Variants in DNAJC3 observed in about 807,000 individuals in gnomAD.
DNAJC3 encodes DnaJ heat shock protein family (Hsp40) member C3, also known as dnaJ homolog subfamily C member 3.
In DNAJC3, 38 loss-of-function variants were observed where a neutral mutation model predicts 68.6. The observed-to-expected ratio is 0.55, with a 90% CI of 0.43 to 0.73. The LOEUF is 0.73. Ranked by LOEUF, DNAJC3 falls within the 30% of genes least tolerant of loss-of-function variation. The pLI, the probability that DNAJC3 is intolerant of heterozygous loss-of-function variation, is 0.00. For synonymous variants in DNAJC3, 203 were observed against 204.0 expected (o/e 1.00, Z 0.04); for missense variants, 526 against 591.9 (o/e 0.89, Z 1.16).
intron 4 of DNAJC3, among the ~76,000 whole-genome samples, chr13:95,734,365 G>A (rs534774300): frequency 6.6e-6 from 1 of 152,206 alleles, no homozygotes; most frequent in South Asian, 2.1e-4. Context: ...GGCCAGTAAG[G>A]TTTCTGCTGA....
intron 1 of DNAJC3, among the ~76,000 whole-genome samples, chr13:95,681,799 CTCCTT>C (rs1415942064): frequency 6.6e-6 from 1 of 152,216 alleles, no homozygotes; most frequent in Non-Finnish European, 1.5e-5. Context: ...AATTTAAACT[CTCCTT>C]TCCTCTCTCC....
chr13:95,793,801 CAGAG>C lies in DNAJC3; in HGVS notation c.*2774_*2777del. The C allele has an allele frequency of 6.6e-6, 1 of 152,274 alleles. No homozygotes were observed. The highest frequency in any genetic ancestry group is 3.4e-3 in the Middle Eastern group (1 of 296). 9.4% of individuals were successfully genotyped at this position (152,274 alleles called of 1,614,324 possible). A position where few individuals can be genotyped will look rare whatever the true frequency, so the allele number is the denominator to read the frequency against. On this transcript the variant is annotated 3_prime_UTR_variant, in exon 12 of 12. Transcript: ENST00000602402. Reference sequence around the variant, plus strand: ...ATGGCTCTTTCAGGAAAAGTGAAATCAGAGAGGCGTACCCTAGCCACAGCTGTTG... The same window carrying C: ...ATGGCTCTTTCAGGAAAAGTGAAATCAGGCGTACCCTAGCCACAGCTGTTG...
chr13:95,742,359 G>T (rs1033723158), intron 4 of DNAJC3, among the ~76,000 whole-genome samples: 1 of 152,186 alleles, frequency 6.6e-6, no homozygotes, highest in African/African-American at 2.4e-5. Context: ...TTCTTACAGA[G>T]GCACCATGTT....
intron 7 of DNAJC3, among the ~76,000 whole-genome samples, chr13:95,762,782 A>G (rs17882939): frequency 0.015 from 2,278 of 152,146 alleles, 61 homozygotes; most frequent in African/African-American, 0.052. Flanking sequence ...TGCCTGCCCC[A>G]CACAGGCCTC....
chr13:95,739,149 G>A (rs953822630), intron 4 of DNAJC3, among the ~76,000 whole-genome samples: 2 of 151,992 alleles, frequency 1.3e-5, no homozygotes, highest in African/African-American at 4.8e-5. Flanking sequence ...TTGAATATTG[G>A]CCCCCACTCT....
intron 9 of DNAJC3, among the ~76,000 whole-genome samples, chr13:95,769,381 A>G (rs1594018874): frequency 6.6e-6 from 1 of 152,166 alleles, no homozygotes; most frequent in East Asian, 1.9e-4. Flanking sequence ...GTGGAGGACA[A>G]GGGGTAGAGA....
chr13:95,686,203 C>T (rs1405942256), intron 1 of DNAJC3, among the ~76,000 whole-genome samples: 1 of 152,080 alleles, frequency 6.6e-6, no homozygotes, highest in Non-Finnish European at 1.5e-5. Flanking sequence ...CCTTGTGAGC[C>T]ACCCGCCTTG....
At chr13:95,742,007 C>T (rs1566494503) in intron 4 of DNAJC3, among the ~76,000 whole-genome samples, 1 of 152,078 alleles carries the variant, frequency 6.6e-6, no homozygotes, top group Non-Finnish European at 1.5e-5. Context: ...CAGTGAAGTG[C>T]TTGGGTGGAG....
intron 9 of DNAJC3, among the ~76,000 whole-genome samples, chr13:95,772,480 C>T (rs1566510652): frequency 6.6e-6 from 1 of 152,148 alleles, no homozygotes; most frequent in Non-Finnish European, 1.5e-5. Flanking sequence ...ATAATTTATA[C>T]AGCTACAATA....
intron 4 of DNAJC3, among the ~76,000 whole-genome samples, chr13:95,741,571 A>G (rs1882145693): frequency 6.6e-6 from 1 of 152,130 alleles, no homozygotes; most frequent in South Asian, 2.1e-4. Flanking sequence ...TGGTACGGGA[A>G]TGGCAGCAGT....
At chr13:95,685,835 T>G (rs185626236) in intron 1 of DNAJC3, among the ~76,000 whole-genome samples, 1 of 152,246 alleles carries the variant, frequency 6.6e-6, no homozygotes, top group Non-Finnish European at 1.5e-5. Context: ...CTCAGACTTG[T>G]GTAAGATGAT....
chr13:95,696,393 ATGAAACTAAGAT>A (rs1478583881), intron 1 of DNAJC3, among the ~76,000 whole-genome samples: 2 of 152,180 alleles, frequency 1.3e-5, no homozygotes, highest in East Asian at 1.9e-4. Flanking sequence ...CCTCAGGGCC[ATGAAACTAAGAT>A]TGAAACTAAG....
At chr13:95,728,670 T>A (rs1180559190) in intron 4 of DNAJC3, among the ~76,000 whole-genome samples, 1 of 152,242 alleles carries the variant, frequency 6.6e-6, no homozygotes, top group Non-Finnish European at 1.5e-5. Flanking sequence ...GTCTAATTTT[T>A]AAATTAATAC....
At chr13:95,762,758 C>T (rs1014876928) in intron 7 of DNAJC3, among the ~76,000 whole-genome samples, 2 of 152,200 alleles carry the variant, frequency 1.3e-5, no homozygotes, top group Admixed American at 1.3e-4. Flanking sequence ...TCCTGATGCT[C>T]TCCCTCCCCT....
intron 9 of DNAJC3, 28 bp downstream of exon 9, chr13:95,763,981 T>A: frequency 1.2e-6 from 2 of 1,606,256 alleles, no homozygotes; most frequent in East Asian, 4.5e-5. Flanking sequence ...TGATTTGCAG[T>A]ACCGAAGTGT....
intron 1 of DNAJC3, among the ~76,000 whole-genome samples, chr13:95,690,948 G>A (rs1288498019): frequency 4.4e-4 from 60 of 135,664 alleles, no homozygotes; most frequent in Non-Finnish European, 7.4e-4. Flanking sequence ...CCCGGACGGG[G>A]CGGCTGGCCG....
intron 4 of DNAJC3, among the ~76,000 whole-genome samples, chr13:95,728,598 T>C (rs544815895): frequency 2.0e-4 from 30 of 152,336 alleles, no homozygotes; most frequent in African/African-American, 6.5e-4. Flanking sequence ...TTACAAATAT[T>C]TTCCCCTCAG....
intron 4 of DNAJC3, among the ~76,000 whole-genome samples, chr13:95,744,382 A>G (rs1475584596): frequency 1.3e-5 from 2 of 152,242 alleles, no homozygotes; most frequent in Non-Finnish European, 2.9e-5. Flanking sequence ...TTTCAAAACT[A>G]CAAGTCATTT....
chr13:95,740,967 A>G (rs72636527), intron 4 of DNAJC3, among the ~76,000 whole-genome samples: 42 of 151,998 alleles, frequency 2.8e-4, no homozygotes, highest in Non-Finnish European at 4.1e-4. Flanking sequence ...TTGTTTTTCT[A>G]ATTTCTTTGT....
Sources: allele counts gnomAD v4.1 joint callset (sites outside exome capture counted in the v4.1 genomes callset), GRCh38; gene constraint gnomAD v4.1.1; transcripts MANE v1.5; gene names NCBI Gene and HGNC (gene_info 2026-07-23, HGNC 2026-07-21).